Variants in ADAMTSL1 observed in about 807,000 individuals in gnomAD.
ADAMTSL1 encodes ADAMTS-like protein 1.
Under a neutral mutation model 201.8 loss-of-function variants are expected in ADAMTSL1, and 126 were observed. The ratio of observed to expected loss-of-function variants is 0.62; its 90% CI spans 0.54 to 0.72. The LOEUF (loss-of-function observed/expected upper bound fraction) is 0.72, where lower values mean the gene tolerates loss of function less well. Among genes scored for constraint, ADAMTSL1 ranks in the 30% least tolerant of loss-of-function variants. The probability of loss-of-function intolerance (pLI) is 0.00; values close to 1 mark genes in which losing one functional copy is unlikely to be tolerated. For synonymous variants in ADAMTSL1, 1,121 were observed against 903.4 expected (o/e 1.24, Z -4.32); for missense variants, 2,679 against 2,277.8 (o/e 1.18, Z -3.59).
chr9:18,661,722 G>A (rs2133024061), intron 8 of ADAMTSL1, among the ~76,000 whole-genome samples: 1 of 152,220 alleles, frequency 6.6e-6, no homozygotes, highest in Middle Eastern at 3.4e-3. Context: ...ATTATATAAT[G>A]TAATTATTAA....
At chr9:18,429,598 C>T (rs1339476666) in intron 2 of ADAMTSL1, among the ~76,000 whole-genome samples, 1 of 152,070 alleles carries the variant, frequency 6.6e-6, no homozygotes, top group Non-Finnish European at 1.5e-5. Flanking sequence ...AAAAGATTAA[C>T]ATTAACTTAA....
intron 1 of ADAMTSL1, among the ~76,000 whole-genome samples, chr9:18,128,015 G>T (rs1825807596): frequency 6.6e-6 from 1 of 152,180 alleles, no homozygotes; most frequent in South Asian, 2.1e-4. Flanking sequence ...TTCATTAAGA[G>T]ATAACAGATT....
At chr9:18,793,662 A>G (rs1463747614) in intron 19 of ADAMTSL1, among the ~76,000 whole-genome samples, 1 of 152,238 alleles carries the variant, frequency 6.6e-6, no homozygotes, top group Non-Finnish European at 1.5e-5. Context: ...ACAAAGCTAG[A>G]AATGACTAGC....
At chr9:18,550,428 C>T (rs1349789462) in intron 3 of ADAMTSL1, among the ~76,000 whole-genome samples, 1 of 152,058 alleles carries the variant, frequency 6.6e-6, no homozygotes, top group East Asian at 1.9e-4. Flanking sequence ...CATTCATGTA[C>T]TGTTGTTATT....
chr9:18,677,617 CTT>C (rs1360200707), intron 10 of ADAMTSL1, among the ~76,000 whole-genome samples: 7 of 151,956 alleles, frequency 4.6e-5, no homozygotes, highest in Non-Finnish European at 1.0e-4. Flanking sequence ...TGTGATCTCT[CTT>C]GTTTATATTT....
At chr9:18,808,495 A>T (rs1275994985) in intron 20 of ADAMTSL1, among the ~76,000 whole-genome samples, 1 of 152,096 alleles carries the variant, frequency 6.6e-6, no homozygotes, top group Non-Finnish European at 1.5e-5. Flanking sequence ...TCCAGCAAAA[A>T]CTCAATATAA....
At chr9:18,411,734 T>C (rs1818452985) in intron 2 of ADAMTSL1, among the ~76,000 whole-genome samples, 1 of 152,192 alleles carries the variant, frequency 6.6e-6, no homozygotes, top group Non-Finnish European at 1.5e-5. Context: ...TAAAAGCAAA[T>C]CTTAGACATC....
At chr9:18,500,025 T>G (rs1190030414) in intron 1 of ADAMTSL1, among the ~76,000 whole-genome samples, 2 of 152,220 alleles carry the variant, frequency 1.3e-5, no homozygotes, top group East Asian at 3.9e-4. Context: ...ATCTTACATC[T>G]TTCATGTATT....
At chr9:17,919,334 A>G (rs934052773) in intron 1 of ADAMTSL1, among the ~76,000 whole-genome samples, 1 of 151,688 alleles carries the variant, frequency 6.6e-6, no homozygotes, top group African/African-American at 2.4e-5. Context: ...ACATGTTGCT[A>G]TTGAGGAATC....
At chr9:18,169,786 C>T (rs1031194870) in intron 2 of ADAMTSL1, among the ~76,000 whole-genome samples, 5 of 152,010 alleles carry the variant, frequency 3.3e-5, no homozygotes, top group Non-Finnish European at 7.4e-5. Flanking sequence ...TTGTTTGTAT[C>T]CTCTTCTATT....
In ADAMTSL1 at chr9:18,320,825, A is replaced by C. The variant is rs569735320; in HGVS notation, c.207+156844A>C. 5.9e-4 allele frequency among the ~76,000 whole-genome samples: 90 copies of C among 152,296 alleles called. 1 individual carries two copies. In the South Asian group the frequency reaches 0.018, roughly 30 times the overall value. ...GGTGTGTATGTGTGTAGTAATATCT[A>C]AAAATTTGCAAAAAGATACAGTTAA... On this transcript the variant is annotated intron_variant, in intron 2 of 29. Coordinates refer to the ADAMTSL1 transcript ENST00000680146.
At chr9:18,908,357 C>A in intron 28 of ADAMTSL1, 85 bp from the exon 29 acceptor site, 2 of 1,174,310 alleles carry the variant, frequency 1.7e-6, no homozygotes, top group Non-Finnish European at 2.5e-6. Flanking sequence ...AAACCCCCGG[C>A]TGCACCTCAC....
chr9:18,454,031 G>A (rs886066266), intron 2 of ADAMTSL1, among the ~76,000 whole-genome samples: 18 of 152,148 alleles, frequency 1.2e-4, no homozygotes, highest in African/African-American at 2.9e-4. Flanking sequence ...TACAGATATC[G>A]GTATGCAAGA....
At chr9:17,958,872 G>A (rs1242749916) in intron 1 of ADAMTSL1, among the ~76,000 whole-genome samples, 1 of 152,134 alleles carries the variant, frequency 6.6e-6, no homozygotes, top group East Asian at 1.9e-4. Context: ...CCCGGCAATA[G>A]TTGAGAAGAG....
At chr9:18,274,498 A>T (rs1191662533) in intron 2 of ADAMTSL1, among the ~76,000 whole-genome samples, 1 of 152,176 alleles carries the variant, frequency 6.6e-6, no homozygotes, top group East Asian at 1.9e-4. Context: ...GAAATCTGCA[A>T]TGTCTGAGGT....
At chr9:18,434,271 C>G (rs1819625265) in intron 2 of ADAMTSL1, among the ~76,000 whole-genome samples, 3 of 152,000 alleles carry the variant, frequency 2.0e-5, no homozygotes, top group Admixed American at 2.0e-4. Context: ...ATGAAAAAAA[C>G]AAGAGGCTGT....
At position 18,479,531 on chromosome 9, in the gene ADAMTSL1, C is replaced by T. The variant is rs79203160; in HGVS notation, c.63+5236C>T. ...CATATATAGCTATGTGTACAGTCAG[C>T]GCTTAGTAATTGCTTGTCAGAAGGC... On this transcript the variant is annotated intron_variant, in intron 1 of 28. Coordinates refer to ENST00000380548, the MANE Select transcript of ADAMTSL1 (RefSeq NM_001040272.6). 7.8e-3 allele frequency among the ~76,000 whole-genome samples: 1,185 copies of T among 152,270 alleles called. 15 individuals carry two copies. The highest frequency in any genetic ancestry group is 0.027 in the African/African-American group (1,125 of 41,546).
chr9:18,862,030 C>T lies in ADAMTSL1; in HGVS notation c.4250-25801C>T, dbSNP rs1027419279. Among the ~76,000 whole-genome samples, 3 of 152,180 alleles carry T rather than the reference C, an allele frequency of 2.0e-5. No homozygotes were observed. The South Asian group carries it at 6.2e-4, about 32-fold the overall frequency. ...TTGCGTTCCCCTGGTAGCTCCACCC[C>T]CACTGCTCACCGTGGAATTCCTAGT... On this transcript the variant is annotated intron_variant, in intron 23 of 28. Coordinates refer to ENST00000380548, the MANE Select transcript of ADAMTSL1 (RefSeq NM_001040272.6).
At chr9:18,724,350 C>G (rs1460101179) in intron 15 of ADAMTSL1, among the ~76,000 whole-genome samples, 2 of 152,182 alleles carry the variant, frequency 1.3e-5, no homozygotes, top group East Asian at 3.9e-4. Flanking sequence ...CTTAGCCAGG[C>G]TTTCTAAGAT....
Sources: gnomAD v4.1 joint callset for allele counts (sites outside exome capture counted in the v4.1 genomes callset) on GRCh38, gnomAD v4.1.1 for gene constraint, MANE v1.5 for transcripts, NCBI Gene and HGNC (gene_info 2026-07-23, HGNC 2026-07-21) for gene names.